The following ERBB4 variants were observed in gnomAD, a reference collection of about 807,000 sequenced individuals.
ERBB4 encodes the protein erb-b2 receptor tyrosine kinase 4.
In ERBB4, 42 loss-of-function variants were observed where a neutral mutation model predicts 158.0. The ratio of observed to expected loss-of-function variants is 0.27; its 90% CI spans 0.21 to 0.34. ERBB4 has a LOEUF of 0.34. Among genes scored for constraint, ERBB4 ranks in the 10% least tolerant of loss-of-function variants. ERBB4 has a pLI of 1.00. For missense variants in ERBB4, 1,333 were observed against 1,624.1 expected (o/e 0.82, Z 3.08); for synonymous variants, 583 against 558.7 (o/e 1.04, Z -0.61).
At chr2:211,952,955 T>C (rs1463577738) in intron 2 of ERBB4, among the ~76,000 whole-genome samples, 3 of 152,118 alleles carry the variant, frequency 2.0e-5, no homozygotes, top group Non-Finnish European at 2.9e-5. Flanking sequence ...GGTACATTTA[T>C]ATCTTGCTTA....
rs758139982 is a variant in ERBB4 at position 211,750,721 on chromosome 2, G to A, written c.557-17C>T. On this transcript the variant is annotated splice_polypyrimidine_tract_variant and intron_variant, in intron 4 of 27. Coordinates refer to ENST00000342788, the MANE Select transcript of ERBB4 (RefSeq NM_005235.3). ...AACGTCCACCTGCAGAACACGAAAA[G>A]GGAAAAAGGACATGCACGTTATAAT... 6.2e-7 allele frequency: 1 copy of A among 1,610,728 alleles called. No homozygotes were observed. The highest frequency in any genetic ancestry group is 1.7e-5 in the Admixed American group (1 of 60,000).
chr2:212,093,199 C>A (rs2078831217), intron 2 of ERBB4, among the ~76,000 whole-genome samples: 1 of 152,144 alleles, frequency 6.6e-6, no homozygotes, highest in Non-Finnish European at 1.5e-5. Flanking sequence ...TGGAAAGTAT[C>A]TCCAGAGAAT....
intron 1 of ERBB4, among the ~76,000 whole-genome samples, chr2:212,271,748 C>T (rs1004504858): frequency 4.6e-5 from 7 of 151,684 alleles, no homozygotes; most frequent in Non-Finnish European, 1.0e-4. Flanking sequence ...ACATTTAGAG[C>T]TGGAATTCCT....
At chr2:212,014,186 A>G (rs867862303) in intron 2 of ERBB4, among the ~76,000 whole-genome samples, 1 of 152,348 alleles carries the variant, frequency 6.6e-6, no homozygotes, top group Middle Eastern at 3.4e-3. Context: ...AACAGACAGC[A>G]TTAACAAAAT....
At chr2:211,556,491 C>T (rs1474281679) in intron 20 of ERBB4, among the ~76,000 whole-genome samples, 1 of 152,016 alleles carries the variant, frequency 6.6e-6, no homozygotes, top group Non-Finnish European at 1.5e-5. Flanking sequence ...ATACTTTCTT[C>T]TTTTTTTAAG....
At chr2:211,399,230 T>A (rs569595945) in intron 25 of ERBB4, among the ~76,000 whole-genome samples, 2 of 152,360 alleles carry the variant, frequency 1.3e-5, no homozygotes, top group South Asian at 4.1e-4. Context: ...TCAGTGTGTC[T>A]TTTTTCTTAG....
intron 18 of ERBB4, 128 bp downstream of exon 18, chr2:211,623,794 T>C: frequency 2.3e-6 from 2 of 877,598 alleles, no homozygotes; most frequent in East Asian, 2.7e-5. Context: ...CTTCTCAATA[T>C]TATAAAAGTC....
At chr2:211,773,648 A>ATATT (rs1411130961) in intron 4 of ERBB4, among the ~76,000 whole-genome samples, 3 of 71,910 alleles carry the variant, frequency 4.2e-5, no homozygotes, top group South Asian at 6.7e-4. Flanking sequence ...ATATATATAT[A>ATATT]ATATATATAC....
chr2:212,112,343 G>C (rs1234984632), intron 2 of ERBB4, among the ~76,000 whole-genome samples: 1 of 151,976 alleles, frequency 6.6e-6, no homozygotes. Context: ...TATACCCACT[G>C]TCCCCAGCAC....
intron 2 of ERBB4, among the ~76,000 whole-genome samples, chr2:212,082,370 G>A (rs1056753821): frequency 6.6e-6 from 1 of 151,880 alleles, no homozygotes; most frequent in African/African-American, 2.4e-5. Context: ...GTTAAACATA[G>A]CAATATTGTT....
chr2:211,739,670 C>A (rs1204207632), intron 5 of ERBB4, among the ~76,000 whole-genome samples: 2 of 152,148 alleles, frequency 1.3e-5, no homozygotes, highest in Non-Finnish European at 2.9e-5. Flanking sequence ...AGAGTTTCAC[C>A]ATTTTGACCA....
chr2:211,788,202 T>C, intron 3 of ERBB4, 43 bp from the exon 4 acceptor site: 1 of 1,501,350 alleles, frequency 6.7e-7, no homozygotes, highest in South Asian at 1.1e-5. Flanking sequence ...TCAAACTGCT[T>C]GTTGATGAAA....
intron 8 of ERBB4, 40 bp downstream of exon 8, chr2:211,713,495 T>C (rs932739162): frequency 8.1e-7 from 1 of 1,234,436 alleles, no homozygotes; most frequent in African/African-American, 1.5e-5. Context: ...CCTTGTTATA[T>C]AGGCCCAGTT....
At chr2:212,097,678 A>G (rs564789534) in intron 2 of ERBB4, among the ~76,000 whole-genome samples, 2 of 152,314 alleles carry the variant, frequency 1.3e-5, no homozygotes, top group East Asian at 3.9e-4. Context: ...AGGAAGGATC[A>G]GGCAGATGGG....
intron 1 of ERBB4, among the ~76,000 whole-genome samples, chr2:212,425,017 G>A (rs2091876226): frequency 6.6e-6 from 1 of 151,742 alleles, no homozygotes; most frequent in African/African-American, 2.4e-5. Flanking sequence ...GTACTGCACA[G>A]AAATATGAAC....
At position 212,205,130 on chromosome 2, in the gene ERBB4, G is replaced by GAGAC. The variant is rs562881556; in HGVS notation, c.83-80231_83-80228dup. Among the ~76,000 whole-genome samples, 131 of 151,914 alleles carry GAGAC rather than the reference G, an allele frequency of 8.6e-4. 1 individual carries two copies. In the Middle Eastern group the frequency reaches 0.02, roughly 24 times the overall value. On this transcript the variant is annotated intron_variant, in intron 1 of 27. Transcript: ENST00000342788. ...ACCGTGCCTGGCCAACTTCCAGACA[G>GAGAC]AGACAGACAGACAGACAGACAGACA...
intron 25 of ERBB4, among the ~76,000 whole-genome samples, chr2:211,409,113 A>G (rs985125805): frequency 1.3e-5 from 2 of 152,156 alleles, no homozygotes; most frequent in Non-Finnish European, 2.9e-5. Flanking sequence ...TTGAATGATT[A>G]TTAGGCTTAT....
intron 1 of ERBB4, among the ~76,000 whole-genome samples, chr2:212,512,810 A>C (rs189409500): frequency 3.9e-5 from 6 of 152,300 alleles, no homozygotes; most frequent in Non-Finnish European, 7.3e-5. Context: ...TTAAGAAAAA[A>C]ATGAAAGAGG....
intron 22 of ERBB4, among the ~76,000 whole-genome samples, chr2:211,426,416 C>T (rs2063628115): frequency 6.6e-6 from 1 of 152,160 alleles, no homozygotes; most frequent in Non-Finnish European, 1.5e-5. Context: ...CTGCCTTTAA[C>T]GCCTTTTGCA....
Sources: gnomAD v4.1 joint callset for allele counts (sites outside exome capture counted in the v4.1 genomes callset) on GRCh38, gnomAD v4.1.1 for gene constraint, MANE v1.5 for transcripts, NCBI Gene and HGNC (gene_info 2026-07-23, HGNC 2026-07-21) for gene names.